OSBPL5: variants seen among roughly 807,000 people sequenced by gnomAD.
OSBPL5 encodes the protein oxysterol-binding protein-related protein 5.
OSBPL5 carries 71 observed loss-of-function variants against 111.2 expected under a neutral mutation model. That is an observed-to-expected ratio of 0.64 (90% confidence interval 0.53 to 0.78). The LOEUF is 0.78. OSBPL5 is among the 30% of genes least tolerant of loss of function. The probability of loss-of-function intolerance (pLI) is 0.00; values close to 1 mark genes in which losing one functional copy is unlikely to be tolerated. For missense variants in OSBPL5, 1,210 were observed against 1,189.3 expected, an observed-to-expected ratio of 1.02 and a Z score of -0.26; for synonymous variants, 549 against 513.9, an observed-to-expected ratio of 1.07 and a Z score of -0.93.
intron 1 of OSBPL5, among the ~76,000 whole-genome samples, chr11:3,148,558 G>T (rs1447235584): frequency 6.6e-6 from 1 of 152,230 alleles, no homozygotes; most frequent in African/African-American, 2.4e-5. Context: ...GCGCTGTCTG[G>T]AACCGGCTTC....
chr11:3,098,495 A>ATTTTTTTT lies in OSBPL5; in HGVS notation c.1621+1655_1621+1662dup, dbSNP rs552382553. Among the ~76,000 whole-genome samples, 44 of 81,194 alleles carry ATTTTTTTT rather than the reference A, an allele frequency of 5.4e-4. 5 individuals carry two copies. Among genetic ancestry groups the ATTTTTTTT allele is most frequent in the African/African-American group, 2.3e-3 (37 of 15,916 alleles). 53.3% of individuals were successfully genotyped at this position (81,194 alleles called of 152,430 possible). ...TCAAGCCATAAAAAGACATGAAGGA[A>ATTTTTTTT]TTTTTTTTTTTTTTTTTTTTTTTTT... On this transcript the variant is annotated intron_variant, in intron 14 of 21. Coordinates refer to ENST00000263650, the MANE Select transcript of OSBPL5 (RefSeq NM_020896.4).
Position 3,126,748 on chromosome 11 carries a change from A to G in OSBPL5, c.137-193T>C. 2.0e-6 allele frequency: 1 copy of G among 489,992 alleles called. No individual in the cohort carries two copies. The highest frequency in any genetic ancestry group is 2.6e-5 in the South Asian group (1 of 37,760). The allele number at this position is 489,992 out of a possible 1,614,324, so 30.4% of individuals were successfully genotyped here. A position where few individuals can be genotyped will look rare whatever the true frequency, so the allele number is the denominator to read the frequency against. On this transcript the variant is annotated intron_variant, in intron 2 of 21. Transcript: ENST00000263650. The surrounding 1 kb of genome is among the most constrained non-coding windows in gnomAD (Gnocchi z 6.5). ...AAACGCCAGCAAGCGTCACTGTGGGAGGAGTGTGCCAGGAGAACTGGCAGG... is the reference window on the plus strand; with the variant it reads ...AAACGCCAGCAAGCGTCACTGTGGGGGGAGTGTGCCAGGAGAACTGGCAGG...
Position 3,135,726 on chromosome 11 carries a change from G to A in OSBPL5, c.-21-6557C>T, listed in dbSNP as rs531612526. ...CGCCCCGTGGTGGCAGCGCCTGGGG[G>A]CCGCCTTGCCTGCGGCAGGGTCCCA... is the stretch of plus-strand genomic sequence containing the variant. On this transcript the variant is annotated intron_variant, in intron 1 of 21. Transcript: ENST00000263650. 3.3e-5 allele frequency among the ~76,000 whole-genome samples: 5 copies of A among 152,334 alleles called. No homozygotes were observed. In the South Asian group the frequency reaches 1.0e-3, roughly 32 times the overall value.
At chr11:3,127,224 C>T (rs973255978) in intron 2 of OSBPL5, among the ~76,000 whole-genome samples, 2 of 152,230 alleles carry the variant, frequency 1.3e-5, no homozygotes, top group Admixed American at 6.5e-5. Flanking sequence ...GCCGCTCCCG[C>T]TGCTTCCTGT....
At position 3,105,963 on chromosome 11, in the gene OSBPL5, G is replaced by GT. The variant is rs1857676625; in HGVS notation, c.1059+1299dup. On this transcript the variant is annotated intron_variant, in intron 9 of 21. Transcript: ENST00000263650. This position sits in a 1 kb window ranked among gnomAD's most constrained non-coding sequence, Gnocchi z 5.2. ...GTCCTCAGCTTTCTCCTAACAATGG[G>GT]TCTTCCCTACGGGTGGCCCAGTGTC... 6.6e-6 allele frequency among the ~76,000 whole-genome samples: 1 copy of GT among 152,136 alleles called. No individual in the cohort carries two copies. Among genetic ancestry groups the GT allele is most frequent in the African/African-American group, 2.4e-5 (1 of 41,412 alleles).
At position 3,142,320 on chromosome 11, in the gene OSBPL5, C is replaced by T. The variant is rs762727398; in HGVS notation, c.-21-13151G>A. On this transcript the variant is annotated intron_variant, in intron 1 of 21. Transcript: ENST00000263650. This position sits in a 1 kb window ranked among gnomAD's most constrained non-coding sequence, Gnocchi z 7.1. ...GGCCCTGGTGCCACCCCAAAGTCCA[C>T]GGGGCTGCCCACAGCTGGGGGAGTG... Among the ~76,000 whole-genome samples, 19 of 152,314 alleles carry T rather than the reference C, an allele frequency of 1.2e-4. No homozygotes were observed. Among genetic ancestry groups the T allele is most frequent in the Middle Eastern group, 3.4e-3 (1 of 294 alleles).
chr11:3,097,417 T>C (rs950773351), intron 14 of OSBPL5, among the ~76,000 whole-genome samples: 28 of 152,134 alleles, frequency 1.8e-4, no homozygotes, highest in African/African-American at 6.8e-4. Flanking sequence ...CCCAGAACTC[T>C]CCATGAATGT....
At chr11:3,088,497 G>A (rs1856951268) in intron 21 of OSBPL5, among the ~76,000 whole-genome samples, 154 bp from the exon 22 acceptor site, 1 of 152,152 alleles carries the variant, frequency 6.6e-6, no homozygotes, top group Admixed American at 6.5e-5. Flanking sequence ...GAGCGGGTGG[G>A]GGTGGAAAGC....
chr11:3,122,568 TC>T (rs1858461521), intron 3 of OSBPL5, 140 bp from the exon 4 acceptor site: 20 of 674,980 alleles, frequency 3.0e-5, no homozygotes, highest in Middle Eastern at 3.3e-4. Context: ...GCACCCTCCA[TC>T]CCCCCCACCA....
rs1846688348 is a variant in OSBPL5 at position 3,154,406 on chromosome 11, CGGAA to C, written c.-22+10806_-22+10809del. On this transcript the variant is annotated intron_variant, in intron 1 of 21. Transcript: ENST00000263650. The surrounding 1 kb of genome is among the most constrained non-coding windows in gnomAD (Gnocchi z 4.9). ...GCGTGTGGCACAGGCGGGGTGAGCC[CGGAA>C]GGGTGAGCATGCGCCTGCTGACGCT... 6.6e-6 allele frequency among the ~76,000 whole-genome samples: 1 copy of C among 152,202 alleles called. No homozygotes were observed. The highest frequency in any genetic ancestry group is 2.1e-4 in the South Asian group (1 of 4,834).
intron 1 of OSBPL5, among the ~76,000 whole-genome samples, chr11:3,143,368 GAAAC>G (rs1481400443): frequency 3.3e-5 from 5 of 152,296 alleles, no homozygotes; most frequent in Non-Finnish European, 7.4e-5. Flanking sequence ...ACACCCAAGA[GAAAC>G]AAGCACACGC....
intron 21 of OSBPL5, among the ~76,000 whole-genome samples, chr11:3,089,424 C>T (rs1051005706): frequency 7.2e-5 from 11 of 152,176 alleles, no homozygotes; most frequent in Middle Eastern, 3.2e-3. Flanking sequence ...TGCCAGCTCT[C>T]GGCCACTCCC....
chr11:3,088,139 G>A lies in OSBPL5; in HGVS notation c.*66C>T, dbSNP rs1472173788. ...GGGCCTCTCTGCCTCCATGGAGCAG[G>A]CTTAAAGTGCTGGGTGCCTGGGAGG... On this transcript the variant is annotated 3_prime_UTR_variant, in exon 22 of 22. Transcript: ENST00000263650. 2 of 1,423,302 alleles carry A rather than the reference G, an allele frequency of 1.4e-6. No individual in the cohort carries two copies. The highest frequency in any genetic ancestry group is 1.9e-6 in the Non-Finnish European group (2 of 1,069,558). 88.2% of individuals were successfully genotyped at this position (1,423,302 alleles called of 1,614,324 possible).
intron 1 of OSBPL5, among the ~76,000 whole-genome samples, chr11:3,144,911 C>T (rs1410606254): frequency 2.0e-5 from 3 of 152,222 alleles, no homozygotes; most frequent in Admixed American, 2.0e-4. Flanking sequence ...CTGTACAGAC[C>T]CGGATTCCAA....
At chr11:3,145,096 G>A (rs1467204145) in intron 1 of OSBPL5, among the ~76,000 whole-genome samples, 1 of 152,200 alleles carries the variant, frequency 6.6e-6, no homozygotes, top group African/African-American at 2.4e-5. Context: ...TCAGCCACAG[G>A]AGCCCATCCC....
chr11:3,139,989 T>C (rs1321317002), intron 1 of OSBPL5, among the ~76,000 whole-genome samples: 1 of 152,050 alleles, frequency 6.6e-6, no homozygotes, highest in East Asian at 1.9e-4. Flanking sequence ...GTGCCCCCCC[T>C]GCTCTGAGAA....
At chr11:3,119,331 T>C (rs995467253) in intron 7 of OSBPL5, among the ~76,000 whole-genome samples, 1 of 152,222 alleles carries the variant, frequency 6.6e-6, no homozygotes, top group Non-Finnish European at 1.5e-5. Context: ...GGTATTTTAA[T>C]GTCACATTTT....
chr11:3,114,591 A>ATTTTTTTTT (rs59645003), intron 7 of OSBPL5, among the ~76,000 whole-genome samples: 1 of 113,898 alleles, frequency 8.8e-6, no homozygotes, highest in African/African-American at 3.5e-5. Context: ...TAGAACAATG[A>ATTTTTTTTT]TTTTTTTTTT....
chr11:3,146,757 G>A lies in OSBPL5; in HGVS notation c.-21-17588C>T, dbSNP rs374314051. 6.6e-6 allele frequency: 1 copy of A among 152,274 alleles called. No individual in the cohort carries two copies. Among genetic ancestry groups the A allele is most frequent in the Non-Finnish European group, 1.5e-5 (1 of 68,124 alleles). The allele number at this position is 152,274 out of a possible 1,614,324, so 9.4% of individuals were successfully genotyped here. ...CCTCTGGGGTTTGGGAGATGACTGA[G>A]TTGGCCTTTGTACAGCCTGTCCCGA... On this transcript the variant is annotated intron_variant, in intron 1 of 21. Transcript: ENST00000263650. This position sits in a 1 kb window ranked among gnomAD's most constrained non-coding sequence, Gnocchi z 7.8.
Sources: allele counts gnomAD v4.1 joint callset (sites outside exome capture counted in the v4.1 genomes callset), GRCh38; gene constraint gnomAD v4.1.1; non-coding constraint Gnocchi (gnomAD v3.1); transcripts MANE v1.5; gene names NCBI Gene and HGNC (gene_info 2026-07-23, HGNC 2026-07-21).